The following GRAMD1A variants were observed in gnomAD, a reference collection of about 807,000 sequenced individuals.
The protein encoded by GRAMD1A is GRAM domain containing 1A, also known as protein Aster-A.
A neutral mutation model predicts 92.0 loss-of-function variants in GRAMD1A; 50 were observed. The ratio of observed to expected loss-of-function variants is 0.54; its 90% CI spans 0.43 to 0.69. The LOEUF (loss-of-function observed/expected upper bound fraction) is 0.69. GRAMD1A is among the 30% of genes least tolerant of loss of function. The pLI is 0.00. For synonymous variants in GRAMD1A, 405 were observed against 403.6 expected, an observed-to-expected ratio of 1.00 and a Z score of -0.04; for missense variants, 819 against 978.9, an observed-to-expected ratio of 0.84 and a Z score of 2.18.
intron 1 of GRAMD1A, among the ~76,000 whole-genome samples, chr19:35,005,153 G>A (rs1005500747): frequency 1.3e-5 from 2 of 148,764 alleles, no homozygotes; most frequent in Non-Finnish European, 3.0e-5. Context: ...AGCACCTCCT[G>A]TACGCCAGGC....
In GRAMD1A at chr19:35,021,830, T is replaced by C. The variant is rs1237319845; in HGVS notation, c.1719T>C (p.Pro573=). ...AHGDGPQHPD[P]DPCARAGIHT... is the part of the protein sequence containing the mutation. ...GGGACGGGCCCCAGCACCCAGATCC[T>C]GACCCCTGTGCCCGGGCCGGCATTC... The change falls in exon 15 of 20, where the codon CCT becomes CCC. Residue 573 remains proline (P), a synonymous_variant. Transcript: ENST00000317991. The surrounding 1 kb of genome is among the most constrained non-coding windows in gnomAD (Gnocchi z 5.3). 1.2e-6 allele frequency: 2 copies of C among 1,605,968 alleles called. No homozygotes were observed. The highest frequency in any genetic ancestry group is 2.2e-5 in the East Asian group (1 of 44,766).
intron 16 of GRAMD1A, among the ~76,000 whole-genome samples, chr19:35,022,602 C>T (rs772031651): frequency 1.9e-5 from 2 of 102,830 alleles, no homozygotes; most frequent in African/African-American, 4.0e-5. Context: ...GAGTGGAGAC[C>T]GCGTAGGCTA....
At chr19:35,014,581 C>T (rs1276699301) in intron 10 of GRAMD1A, 194 bp downstream of exon 10, 2 of 604,386 alleles carry the variant, frequency 3.3e-6, no homozygotes. Flanking sequence ...CAAGCACAGA[C>T]TGAAGGCAGC....
At position 35,021,624 on chromosome 19, in the gene GRAMD1A, C is replaced by T. The variant is rs759720248; in HGVS notation, c.1579+19C>T. On this transcript the variant is annotated intron_variant, in intron 14 of 19. Transcript: ENST00000317991. The surrounding 1 kb of genome is among the most constrained non-coding windows in gnomAD (Gnocchi z 5.3). ...CATCTGGGTAGGGACAGAAGGCCGG[C>T]TGGGGCGTGGGTTGGGGGATGGCCT... is the stretch of plus-strand genomic sequence containing the variant. 1.9e-6 allele frequency: 3 copies of T among 1,613,128 alleles called. No individual in the cohort carries two copies. The Admixed American group carries it at 5.0e-5, about 27-fold the overall frequency.
rs965593581 is a variant in GRAMD1A at position 35,013,129 on chromosome 19, G to A, written c.607-127G>A. 2.4e-5 allele frequency: 15 copies of A among 614,710 alleles called. No homozygotes were observed. The highest frequency in any genetic ancestry group is 3.6e-5 in the South Asian group (2 of 55,512). 38.1% of individuals were successfully genotyped at this position (614,710 alleles called of 1,614,324 possible). On this transcript the variant is annotated intron_variant, in intron 7 of 19. Coordinates refer to ENST00000317991, the MANE Select transcript of GRAMD1A (RefSeq NM_020895.5). This position sits in a 1 kb window ranked among gnomAD's most constrained non-coding sequence, Gnocchi z 4.9. ...CGCTTGCTGAGGCCAGGTCTGGTGC[G>A]GGAGATCGTGGCTGCCTCCTTGTGG... is the stretch of plus-strand genomic sequence containing the variant.
intron 7 of GRAMD1A, among the ~76,000 whole-genome samples, chr19:35,011,923 A>G (rs530054049): frequency 2.1e-3 from 317 of 152,144 alleles, no homozygotes; most frequent in Non-Finnish European, 3.6e-3. Context: ...GCTGAGCGGC[A>G]CTCACGCGCT....
rs1274960488 is a variant in GRAMD1A at position 35,013,741 on chromosome 19, A to C, written c.870+50A>C. The C allele has an allele frequency of 6.5e-7, 1 of 1,541,172 alleles. No homozygotes were observed. The highest frequency in any genetic ancestry group is 1.2e-5 in the South Asian group (1 of 84,158). ...TGGGATACTGATAGGAAGAGAGAGGAGGGCTGGGGGTGCAGTGGGAGAAGA... is the reference window on the plus strand; with the variant it reads ...TGGGATACTGATAGGAAGAGAGAGGCGGGCTGGGGGTGCAGTGGGAGAAGA... On this transcript the variant is annotated intron_variant, in intron 9 of 19. Transcript: ENST00000317991. The surrounding 1 kb of genome is among the most constrained non-coding windows in gnomAD (Gnocchi z 4.9).
chr19:35,005,063 C>T (rs1325282059), intron 1 of GRAMD1A, among the ~76,000 whole-genome samples: 1 of 152,032 alleles, frequency 6.6e-6, no homozygotes, highest in African/African-American at 2.4e-5. Context: ...GAGTCGTGCA[C>T]CTGCTGGAAC....
intron 9 of GRAMD1A, 130 bp from the exon 10 acceptor site, chr19:35,014,059 G>GCCGC: frequency 2.3e-6 from 2 of 857,368 alleles, no homozygotes; most frequent in Non-Finnish European, 3.8e-6. Flanking sequence ...TCGCAGCTCA[G>GCCGC]CCGTGAGCCC....
chr19:35,008,359 T>A (rs2014975312), intron 1 of GRAMD1A, among the ~76,000 whole-genome samples: 1 of 148,334 alleles, frequency 6.7e-6, no homozygotes, highest in Non-Finnish European at 1.5e-5. Flanking sequence ...ACAGCAGGTG[T>A]CTTTGAGAGC....
chr19:34,997,388 C>CAAAAAAAAAAA (rs540666102), upstream of GRAMD1A, among the ~76,000 whole-genome samples: 47 of 113,156 alleles, frequency 4.2e-4, no homozygotes, highest in South Asian at 5.8e-4. Context: ...GCCAAAAAAA[C>CAAAAAAAAAAA]AAAAAAAAAA....
rs1000386372 is a variant in GRAMD1A at position 35,013,847 on chromosome 19, G to C, written c.870+156G>C. Among the ~76,000 whole-genome samples, 1 of 152,106 alleles carries C rather than the reference G, an allele frequency of 6.6e-6. No homozygotes were observed. The highest frequency in any genetic ancestry group is 6.6e-5 in the Admixed American group (1 of 15,262). On this transcript the variant is annotated intron_variant, in intron 9 of 19. Transcript: ENST00000317991. The surrounding 1 kb of genome is among the most constrained non-coding windows in gnomAD (Gnocchi z 4.9). Reference sequence around the variant, plus strand: ...AGGAACAGGACAGGGAGGGGAAGACGGACATGTGACAGGGAAAGAGAGACA... The same window carrying C: ...AGGAACAGGACAGGGAGGGGAAGACCGACATGTGACAGGGAAAGAGAGACA...
intron 19 of GRAMD1A, chr19:35,023,759 G>T (rs2016253315): frequency 1.9e-6 from 1 of 514,818 alleles, no homozygotes. Context: ...ACGTCCTGGA[G>T]AAAAGTCCAG....
chr19:35,012,362 A>T (rs931557652), intron 7 of GRAMD1A, among the ~76,000 whole-genome samples: 2 of 149,930 alleles, frequency 1.3e-5, no homozygotes, highest in Non-Finnish European at 3.0e-5. Flanking sequence ...GGTTTTGAAG[A>T]TACAGTGAGT....
Position 35,019,408 on chromosome 19 carries a change from C to T in GRAMD1A, c.1350C>T (p.Gly450=), listed in dbSNP as rs1489060816. ...VVETQTLFRR[G]PQAGGCVVDS... is the part of the protein sequence containing the mutation. The stretch of plus-strand genomic sequence containing the variant: ...CCCTGCAGACGCTGTTCCGGCGCGG[C>T]CCCCAGGCCGGCGGGTGTGTGGTGG... Residue 450 remains glycine (G), a synonymous_variant, in exon 13 of 20, where the codon GGC becomes GGT. Transcript: ENST00000317991. 1.2e-6 allele frequency: 2 copies of T among 1,613,604 alleles called. No individual in the cohort carries two copies. The highest frequency in any genetic ancestry group is 1.3e-5 in the African/African-American group (1 of 74,922).
rs770823902 is a variant in GRAMD1A, at chr19:35,009,991, G to T, written c.325+19G>T. 1.8e-5 allele frequency: 28 copies of T among 1,588,178 alleles called. No individual in the cohort carries two copies. The highest frequency in any genetic ancestry group is 2.3e-5 in the Non-Finnish European group (27 of 1,156,332). On this transcript the variant is annotated intron_variant, in intron 4 of 19. Transcript: ENST00000317991. ...ATTGTGGGTGAGTCCCGGACCCCCA[G>T]TCCCAGCTCCTAGCCCAGCCCTGTG...
chr19:35,013,420 C>T lies in GRAMD1A; in HGVS notation c.719+52C>T, dbSNP rs778376525. The T allele has an allele frequency of 1.7e-5, 25 of 1,499,728 alleles. No individual in the cohort carries two copies. Among genetic ancestry groups the T allele is most frequent in the African/African-American group, 2.8e-5 (2 of 72,460 alleles). The allele number at this position is 1,499,728 out of a possible 1,614,324, so 92.9% of individuals were successfully genotyped here. A position where few individuals can be genotyped will look rare whatever the true frequency, so the allele number is the denominator to read the frequency against. ...AGGGTTCGGGGGAGAACAGGACGGT[C>T]GGCGTGCAGAGTTCCTGGAGTGCTG... On this transcript the variant is annotated intron_variant, in intron 8 of 19. Coordinates refer to ENST00000317991, the MANE Select transcript of GRAMD1A (RefSeq NM_020895.5). The surrounding 1 kb of genome is among the most constrained non-coding windows in gnomAD (Gnocchi z 4.9).
chr19:35,017,632 T>G (rs1481095533), intron 11 of GRAMD1A, among the ~76,000 whole-genome samples: 3 of 152,072 alleles, frequency 2.0e-5, no homozygotes, highest in Non-Finnish European at 4.4e-5. Context: ...TCTCTCAATA[T>G]TGGCCTCCAG....
chr19:35,013,321 C>T lies in GRAMD1A; in HGVS notation c.672C>T (p.Thr224=). The part of the protein sequence containing the change: ...HQCYGSELGL[T]SEDEDYVSPL... Reference sequence around the variant, plus strand: ...GCTACGGCTCAGAGCTGGGCCTCACCAGTGAGGATGAGGACTATGTCTCCC... The same window carrying T: ...GCTACGGCTCAGAGCTGGGCCTCACTAGTGAGGATGAGGACTATGTCTCCC... Residue 224 remains threonine (T), a synonymous_variant, in exon 8 of 20, where the codon ACC becomes ACT. Coordinates refer to ENST00000317991, the MANE Select transcript of GRAMD1A (RefSeq NM_020895.5). The surrounding 1 kb of genome is among the most constrained non-coding windows in gnomAD (Gnocchi z 4.9). 1 of 1,554,218 alleles carries T rather than the reference C, an allele frequency of 6.4e-7. No individual in the cohort carries two copies. The highest frequency in any genetic ancestry group is 8.7e-7 in the Non-Finnish European group (1 of 1,147,980).
Sources: allele counts gnomAD v4.1 joint callset (sites outside exome capture counted in the v4.1 genomes callset), GRCh38; gene constraint gnomAD v4.1.1; non-coding constraint Gnocchi (gnomAD v3.1); transcripts MANE v1.5; gene names NCBI Gene and HGNC (gene_info 2026-07-23, HGNC 2026-07-21).